The following IQSEC1 variants were observed in gnomAD, a reference collection of about 807,000 sequenced individuals.
IQSEC1 encodes IQ motif and SEC7 domain-containing protein 1.
IQSEC1 carries 31 observed loss-of-function variants against 91.0 expected under a neutral mutation model. That is an observed-to-expected ratio of 0.34 (90% confidence interval 0.26 to 0.46). IQSEC1 has a LOEUF of 0.46. IQSEC1 is among the 20% of genes least tolerant of loss of function. IQSEC1 has a pLI of 1.00. For synonymous variants in IQSEC1, 699 were observed against 662.6 expected, an observed-to-expected ratio of 1.05 and a Z score of -0.84; for missense variants, 1,388 against 1,575.6, an observed-to-expected ratio of 0.88 and a Z score of 2.02.
intron 1 of IQSEC1, among the ~76,000 whole-genome samples, chr3:13,065,599 G>T (rs1705205556): frequency 6.6e-6 from 1 of 152,234 alleles, no homozygotes; most frequent in South Asian, 2.1e-4. Flanking sequence ...TGATGGCGAA[G>T]ATGTGGAGAA....
intron 1 of IQSEC1, among the ~76,000 whole-genome samples, chr3:13,278,018 G>T (rs1008739154): frequency 6.6e-5 from 10 of 152,176 alleles, no homozygotes; most frequent in Non-Finnish European, 1.3e-4. Flanking sequence ...CCTCATCAGT[G>T]GCCACCCCTG....
intron 1 of IQSEC1, among the ~76,000 whole-genome samples, chr3:12,959,756 C>G (rs762022536): frequency 1.8e-4 from 27 of 152,298 alleles, no homozygotes; most frequent in Admixed American, 3.9e-4. Flanking sequence ...AAACTAATCT[C>G]GAGCAATGAA....
chr3:13,107,481 A>G (rs1015222591), intron 2 of IQSEC1, among the ~76,000 whole-genome samples: 1 of 152,214 alleles, frequency 6.6e-6, no homozygotes. Context: ...CATATTACAC[A>G]TGGAGAAACA....
At chr3:13,174,242 A>G (rs1383661973) in intron 1 of IQSEC1, among the ~76,000 whole-genome samples, 1 of 152,158 alleles carries the variant, frequency 6.6e-6, no homozygotes, top group Admixed American at 6.5e-5. Flanking sequence ...GAGCGCAGCC[A>G]CTGCGGTGCA....
intron 1 of IQSEC1, among the ~76,000 whole-genome samples, chr3:13,060,617 C>T (rs1705031186): frequency 6.6e-6 from 1 of 152,218 alleles, no homozygotes; most frequent in African/African-American, 2.4e-5. Context: ...GGATGACGGG[C>T]CTAGGGCACA....
chr3:13,098,029 AC>A (rs1357579744), intron 2 of IQSEC1, among the ~76,000 whole-genome samples: 5 of 152,238 alleles, frequency 3.3e-5, no homozygotes, highest in African/African-American at 4.8e-5. Context: ...CTCAGGGCCG[AC>A]CCCAGATGTC....
At chr3:12,941,449 C>A in intron 2 of IQSEC1, 122 bp downstream of exon 2, 1 of 1,012,816 alleles carries the variant, frequency 9.9e-7, no homozygotes, top group Non-Finnish European at 1.4e-6. Context: ...TCAGCCTTAG[C>A]CCACATGCAC....
At chr3:13,113,353 C>G (rs1706282271) in intron 2 of IQSEC1, among the ~76,000 whole-genome samples, 1 of 152,220 alleles carries the variant, frequency 6.6e-6, no homozygotes, top group African/African-American at 2.4e-5. Context: ...TCTGCTCACC[C>G]CTTACTGCTG....
At chr3:13,000,948 CTTTTTT>C (rs10553726) in intron 1 of IQSEC1, among the ~76,000 whole-genome samples, 8 of 121,910 alleles carry the variant, frequency 6.6e-5, no homozygotes, top group Non-Finnish European at 6.8e-5. Context: ...CCAAGTGAGT[CTTTTTT>C]TTTTTTTTTT....
rs1461119533 is a variant in IQSEC1, at chr3:12,970,868, G to A, written c.24-29003C>T. On this transcript the variant is annotated intron_variant, in intron 1 of 13. Transcript: ENST00000613206. The surrounding 1 kb of genome is among the most constrained non-coding windows in gnomAD (Gnocchi z 4.4). ...AGTGAGCTGTATTCCAACTGCCAGG[G>A]CTGGTTCTATGTCCTTCCCTGCAGC... 6.6e-6 allele frequency among the ~76,000 whole-genome samples: 1 copy of A among 152,234 alleles called. No homozygotes were observed. The highest frequency in any genetic ancestry group is 1.5e-5 in the Non-Finnish European group (1 of 68,044).
intron 1 of IQSEC1, among the ~76,000 whole-genome samples, chr3:13,000,384 C>A (rs1227574925): frequency 2.6e-5 from 4 of 152,196 alleles, no homozygotes; most frequent in African/African-American, 7.2e-5. Flanking sequence ...ATGTCACCTC[C>A]TCTAGACGTC....
In IQSEC1 at chr3:13,047,481, T is replaced by C. The variant is rs536295985; in HGVS notation, c.23+25511A>G. On this transcript the variant is annotated intron_variant, in intron 1 of 13. Coordinates refer to ENST00000613206, the MANE Select transcript of IQSEC1 (RefSeq NM_001134382.3). ...GGGGTGGACGGCAAGACAGTACCTG[T>C]AGCGGTCAGTGGAGAGGCTGCTTCC... 102 of 985,306 alleles carry C rather than the reference T, an allele frequency of 1.0e-4. No individual in the cohort carries two copies. The African/African-American group carries it at 1.7e-3, about 17-fold the overall frequency. 61.0% of individuals were successfully genotyped at this position (985,306 alleles called of 1,614,324 possible). A position where few individuals can be genotyped will look rare whatever the true frequency, so the allele number is the denominator to read the frequency against.
chr3:13,204,702 C>A (rs1319039427), intron 1 of IQSEC1, among the ~76,000 whole-genome samples: 1 of 152,184 alleles, frequency 6.6e-6, no homozygotes, highest in Non-Finnish European at 1.5e-5. Flanking sequence ...CCTGCGCGTT[C>A]GTGCTGTCCG....
intron 5 of IQSEC1, 138 bp downstream of exon 5, chr3:12,921,981 CA>C: frequency 9.5e-7 from 1 of 1,051,460 alleles, no homozygotes; most frequent in Non-Finnish European, 1.3e-6. Context: ...CCAGTACGAT[CA>C]CCCCCAAAGC....
chr3:13,149,515 G>A (rs1331712380), intron 2 of IQSEC1, among the ~76,000 whole-genome samples: 1 of 152,110 alleles, frequency 6.6e-6, no homozygotes, highest in East Asian at 1.9e-4. Context: ...TGCAAGCTGG[G>A]GAGGAGGGGA....
intron 2 of IQSEC1, among the ~76,000 whole-genome samples, chr3:13,137,242 A>G (rs78980046): frequency 0.012 from 1,759 of 152,356 alleles, 30 homozygotes; most frequent in African/African-American, 0.041. Context: ...AGAAAATCTC[A>G]CAGCAGCATT....
In IQSEC1 at chr3:12,970,373, G is replaced by GT. The variant is rs1316941547; in HGVS notation, c.24-28509dup. 6.6e-6 allele frequency among the ~76,000 whole-genome samples: 1 copy of GT among 152,142 alleles called. No homozygotes were observed. Among genetic ancestry groups the GT allele is most frequent in the Non-Finnish European group, 1.5e-5 (1 of 68,018 alleles). On this transcript the variant is annotated intron_variant, in intron 1 of 13. Transcript: ENST00000613206. This position sits in a 1 kb window ranked among gnomAD's most constrained non-coding sequence, Gnocchi z 4.4. ...AGTCATGGAGACGTTTAGTTCCACT[G>GT]TATCACCCCATGTTTTAGTCCTGAG...
At chr3:13,241,972 T>G (rs1411243911) in intron 1 of IQSEC1, among the ~76,000 whole-genome samples, 1 of 152,202 alleles carries the variant, frequency 6.6e-6, no homozygotes, top group Non-Finnish European at 1.5e-5. Context: ...TAGAAATGGC[T>G]AAGATGAGCA....
intron 1 of IQSEC1, among the ~76,000 whole-genome samples, chr3:13,206,444 T>C (rs1313073855): frequency 6.6e-6 from 1 of 152,144 alleles, no homozygotes; most frequent in East Asian, 1.9e-4. Context: ...GACACCACGA[T>C]ATGCCCATCA....
Sources: gnomAD v4.1 joint callset for allele counts (sites outside exome capture counted in the v4.1 genomes callset) on GRCh38, gnomAD v4.1.1 for gene constraint, Gnocchi (gnomAD v3.1) non-coding constraint, MANE v1.5 for transcripts, NCBI Gene and HGNC (gene_info 2026-07-23, HGNC 2026-07-21) for gene names.